Variants in JAM2 observed in about 807,000 individuals in gnomAD.
JAM2 encodes junctional adhesion molecule B.
Under a neutral mutation model 42.0 loss-of-function variants are expected in JAM2, and 17 were observed. That is an observed-to-expected ratio of 0.40 (90% CI 0.28 to 0.61). JAM2 has a LOEUF of 0.61. JAM2 is among the 20% of genes least tolerant of loss of function. The pLI, the probability that JAM2 is intolerant of heterozygous loss-of-function variation, is 0.37. For missense variants in JAM2, 319 were observed against 358.3 expected, an observed-to-expected ratio of 0.89 and a Z score of 0.89; for synonymous variants, 118 against 128.6, an observed-to-expected ratio of 0.92 and a Z score of 0.56.
intron 1 of JAM2, among the ~76,000 whole-genome samples, chr21:25,678,873 C>T (rs1440837193): frequency 1.3e-5 from 2 of 152,172 alleles, no homozygotes; most frequent in Non-Finnish European, 2.9e-5. Context: ...GATCATAGCT[C>T]ACTGCAGCTT....
At position 25,639,803 on chromosome 21, in the gene JAM2, C is replaced by G. The variant is rs771175424; in HGVS notation, c.-19C>G. ...GGACCCTCGACCTCCTCAGAGCAGCCGGCTGCCGCCCCGGGAAGATGGCGA... is the reference window on the plus strand; with the variant it reads ...GGACCCTCGACCTCCTCAGAGCAGCGGGCTGCCGCCCCGGGAAGATGGCGA... On this transcript the variant is annotated 5_prime_UTR_variant, in exon 1 of 10. Coordinates refer to ENST00000480456, the MANE Select transcript of JAM2 (RefSeq NM_021219.4). 3.8e-6 allele frequency: 6 copies of G among 1,563,862 alleles called. No homozygotes were observed. In the Middle Eastern group the frequency reaches 5.2e-4, roughly 136 times the overall value.
At chr21:25,668,107 T>C (rs1369781850) in intron 1 of JAM2, among the ~76,000 whole-genome samples, 4 of 151,990 alleles carry the variant, frequency 2.6e-5, no homozygotes, top group East Asian at 1.9e-4. Context: ...TCTGGCCTGA[T>C]TGAGGATGAA....
intron 9 of JAM2, chr21:25,714,232 T>A (rs2034437175): frequency 1.5e-6 from 2 of 1,301,380 alleles, no homozygotes; most frequent in Non-Finnish European, 2.0e-6. Flanking sequence ...TTTGGCCAGG[T>A]GCAGTGGCTC....
chr21:25,649,507 C>T (rs968433669), intron 1 of JAM2, among the ~76,000 whole-genome samples: 3 of 152,124 alleles, frequency 2.0e-5, no homozygotes, highest in Admixed American at 1.3e-4. Context: ...TACCTGCCAC[C>T]GTGTCTCTCC....
rs79701835 is a variant in JAM2 at position 25,668,909 on chromosome 21, T to C, written c.68-14974T>C. Among the ~76,000 whole-genome samples the C allele has an allele frequency of 8.2e-3, 1,250 of 152,272 alleles. 21 individuals are homozygous for C. The highest frequency in any genetic ancestry group is 0.029 in the African/African-American group (1,194 of 41,544). Reference sequence around the variant, plus strand: ...TTAAGAAGAAGGGTGTGATGGATTGTGTCAATTGAGGTAGTTATGGAAGGC... The same window carrying C: ...TTAAGAAGAAGGGTGTGATGGATTGCGTCAATTGAGGTAGTTATGGAAGGC... On this transcript the variant is annotated intron_variant, in intron 1 of 9. Coordinates refer to ENST00000480456, the MANE Select transcript of JAM2 (RefSeq NM_021219.4).
intron 3 of JAM2, among the ~76,000 whole-genome samples, chr21:25,690,926 T>C (rs920049280): frequency 5.9e-5 from 9 of 152,240 alleles, no homozygotes; most frequent in Non-Finnish European, 1.2e-4. Flanking sequence ...TTGATAATGA[T>C]GGATGAACTG....
intron 8 of JAM2, chr21:25,711,288 A>G (rs189206444): frequency 6.2e-4 from 218 of 352,082 alleles, no homozygotes; most frequent in Non-Finnish European, 1.7e-4. Context: ...AGTCATTGGT[A>G]CATGAAATAT....
Position 25,714,329 on chromosome 21 carries a change from A to AC in JAM2, c.865-307dup, listed in dbSNP as rs200636387. 5.7e-3 allele frequency: 3,501 copies of AC among 615,404 alleles called. 110 individuals carry two copies. In the African/African-American group the frequency reaches 0.059, roughly 10 times the overall value. The allele number at this position is 615,404 out of a possible 1,614,324, so 38.1% of individuals were successfully genotyped here. The stretch of plus-strand genomic sequence containing the variant: ...AGACCAGTCTGGCCAATATGGTGAA[A>AC]CCCCATCTCTACTAAAATACAAAAA... On this transcript the variant is annotated intron_variant, in intron 9 of 9. Transcript: ENST00000480456.
chr21:25,703,742 C>T (rs1345533234), intron 6 of JAM2, among the ~76,000 whole-genome samples: 1 of 144,700 alleles, frequency 6.9e-6, no homozygotes, highest in African/African-American at 2.6e-5. Context: ...AAAAATGGTA[C>T]CTTCCTTTTA....
At chr21:25,691,983 T>C (rs2033891543) in intron 3 of JAM2, among the ~76,000 whole-genome samples, 1 of 149,184 alleles carries the variant, frequency 6.7e-6, no homozygotes. Flanking sequence ...CACTCCAGCC[T>C]GGGCAACAGA....
At position 25,641,272 on chromosome 21, in the gene JAM2, A is replaced by C. The variant is rs114695207; in HGVS notation, c.67+1384A>C. Among the ~76,000 whole-genome samples, 1,478 of 152,346 alleles carry C rather than the reference A, an allele frequency of 9.7e-3. 22 individuals are homozygous for C. The highest frequency in any genetic ancestry group is 0.034 in the African/African-American group (1,403 of 41,572). On this transcript the variant is annotated intron_variant, in intron 1 of 9. Coordinates refer to ENST00000480456, the MANE Select transcript of JAM2 (RefSeq NM_021219.4). ...GCTGAAATTCTAAATTTCAAATAGA[A>C]AAGAGTGTGCCTTTTAGTGTAGAAT...
chr21:25,648,693 G>A lies in JAM2; in HGVS notation c.67+8805G>A, dbSNP rs757276210. 4.5e-4 allele frequency among the ~76,000 whole-genome samples: 69 copies of A among 151,940 alleles called. 1 individual carries two copies. The highest frequency in any genetic ancestry group is 3.2e-3 in the Middle Eastern group (1 of 316). On this transcript the variant is annotated intron_variant, in intron 1 of 9. Transcript: ENST00000480456. ...TGTATATTATACTCTGGTGCTTTTGGTATATTCTTTATTCTCTTATGGCAC... is the reference window on the plus strand; with the variant it reads ...TGTATATTATACTCTGGTGCTTTTGATATATTCTTTATTCTCTTATGGCAC...
intron 2 of JAM2, among the ~76,000 whole-genome samples, chr21:25,687,714 C>T (rs558516998): frequency 6.6e-6 from 1 of 152,322 alleles, no homozygotes; most frequent in South Asian, 2.1e-4. Context: ...AGGGCCTAGG[C>T]ACTGGCTCTT....
rs954347757 is a variant in JAM2, at chr21:25,702,215, G to A, written c.643G>A (p.Glu215Lys). Residue 215 changes from glutamate to lysine, a missense_variant, in exon 6 of 10, where the codon GAA becomes AAA. Transcript: ENST00000480456. ...ACTGGACACTGGAGAATATTCCTGT[G>A]AAGCCCGCAATTCTGTTGGATATCG... is the stretch of plus-strand genomic sequence containing the variant. ...SKLDTGEYSCEARNSVGYRRC... is the reference protein window; with the variant it reads ...SKLDTGEYSCKARNSVGYRRC... The A allele has an allele frequency of 3.1e-6, 5 of 1,598,770 alleles. No individual in the cohort carries two copies. In the South Asian group the frequency reaches 5.6e-5, roughly 18 times the overall value.
intron 2 of JAM2, among the ~76,000 whole-genome samples, chr21:25,687,370 G>A (rs1456738518): frequency 2.0e-5 from 3 of 152,144 alleles, no homozygotes; most frequent in East Asian, 1.9e-4. Context: ...TATCACATAC[G>A]GAGTATATGG....
chr21:25,655,568 C>T (rs1307467101), intron 1 of JAM2, among the ~76,000 whole-genome samples: 2 of 148,492 alleles, frequency 1.3e-5, no homozygotes, highest in East Asian at 3.9e-4. Context: ...GCAATCTCTG[C>T]TTCCCGGGCT....
At position 25,668,313 on chromosome 21, in the gene JAM2, C is replaced by G. The variant is rs554337109; in HGVS notation, c.68-15570C>G. 2.6e-5 allele frequency among the ~76,000 whole-genome samples: 4 copies of G among 152,236 alleles called. No individual in the cohort carries two copies. In the South Asian group the frequency reaches 8.3e-4, roughly 32 times the overall value. On this transcript the variant is annotated intron_variant, in intron 1 of 9. Coordinates refer to ENST00000480456, the MANE Select transcript of JAM2 (RefSeq NM_021219.4). ...TGACTTAGCATTTTAAAGGGTCACT[C>G]TAGTGGATGTGTTGAGATTAGATTC... is the stretch of plus-strand genomic sequence containing the variant.
At chr21:25,702,906 G>A (rs761942607) in intron 6 of JAM2, among the ~76,000 whole-genome samples, 1 of 152,156 alleles carries the variant, frequency 6.6e-6, no homozygotes, top group Non-Finnish European at 1.5e-5. Context: ...AGGCTGGAGT[G>A]CAGTGTCGTG....
At chr21:25,708,970 C>T (rs929043792) in intron 7 of JAM2, among the ~76,000 whole-genome samples, 4 of 152,008 alleles carry the variant, frequency 2.6e-5, no homozygotes, top group African/African-American at 4.8e-5. Context: ...CTGCCCTCCC[C>T]GCCTATTTTT....
Sources: gnomAD v4.1 joint callset for allele counts (sites outside exome capture counted in the v4.1 genomes callset) on GRCh38, gnomAD v4.1.1 for gene constraint, MANE v1.5 for transcripts, NCBI Gene and HGNC (gene_info 2026-07-23, HGNC 2026-07-21) for gene names.